The following ENDOV variants were observed in gnomAD, a reference collection of about 807,000 sequenced individuals.
ENDOV encodes endonuclease V.
A neutral mutation model predicts 39.4 loss-of-function variants in ENDOV; 37 were observed. The ratio of observed to expected loss-of-function variants is 0.94; its 90% CI spans 0.72 to 1.23. The LOEUF (loss-of-function observed/expected upper bound fraction) is 1.23, where lower values mean the gene tolerates loss of function less well. Among genes scored for constraint, ENDOV ranks in the 50% most tolerant of loss-of-function variants. ENDOV has a pLI of 0.00. For synonymous variants in ENDOV, 186 were observed against 163.4 expected (o/e 1.14, Z -1.05); for missense variants, 441 against 375.7 (o/e 1.17, Z -1.44).
Position 80,436,385 on chromosome 17 carries a change from C to G in ENDOV, c.*242C>G, listed in dbSNP as rs2083596927. On this transcript the variant is annotated 3_prime_UTR_variant, in exon 10 of 10. Transcript: ENST00000518137. ...AGGGAACGTTTGCAGTCTTTCACCA[C>G]TAGATGTGATGTGAGCTGTTAGATT... The G allele has an allele frequency of 6.9e-7, 1 of 1,441,778 alleles. No homozygotes were observed. The highest frequency in any genetic ancestry group is 1.4e-5 in the African/African-American group (1 of 71,322). 89.3% of individuals were successfully genotyped at this position (1,441,778 alleles called of 1,614,324 possible).
intron 5 of ENDOV, 52 bp from the exon 6 acceptor site, chr17:80,424,980 C>G (rs1390085039): frequency 2.0e-6 from 3 of 1,500,286 alleles, no homozygotes; most frequent in Non-Finnish European, 1.8e-6. Flanking sequence ...GCCTTCAGCC[C>G]TTCACCAAGA....
In ENDOV at chr17:80,422,231, T is replaced by C. The variant is rs184854277; in HGVS notation, c.389T>C (p.Val130Ala). The change falls in exon 4 of 10, where the codon GTA (valine) becomes GCA (alanine). Residue 130 changes from valine (V) to alanine (A), a missense_variant. Physicochemically the swap from Val to Ala is moderately conservative, Grantham distance 64 (BLOSUM62 0). Transcript: ENST00000518137. ...PQVLLVDGNG[V>A]LHHRGFGVAC... ...GTCCTTCTTGTGGATGGAAACGGGGTACTCCACCACCGAGGTAATCCTGCT... is the reference window on the plus strand; with the variant it reads ...GTCCTTCTTGTGGATGGAAACGGGGCACTCCACCACCGAGGTAATCCTGCT... The C allele has an allele frequency of 1.7e-3, 2,813 of 1,612,908 alleles. 3 individuals are homozygous for C. Among genetic ancestry groups the C allele is most frequent in the Non-Finnish European group, 2.2e-3 (2,549 of 1,179,594 alleles).
At chr17:80,427,511 C>G (rs903481812) in intron 7 of ENDOV, 1 of 985,502 alleles carries the variant, frequency 1.0e-6, no homozygotes, top group Non-Finnish European at 1.2e-6. Context: ...GCCCACCCTC[C>G]AGAGGAAGGA....
chr17:80,416,842 C>G (rs1202011263), intron 2 of ENDOV: 1 of 152,222 alleles, frequency 6.6e-6, no homozygotes, highest in South Asian at 2.1e-4. Context: ...GATCTGATCT[C>G]AACCTCCTGG....
intron 2 of ENDOV, chr17:80,419,940 C>T (rs549204407): frequency 9.5e-5 from 42 of 442,012 alleles, no homozygotes; most frequent in Admixed American, 1.9e-4. Context: ...CTGCCCCCTA[C>T]GCTAATCATA....
intron 7 of ENDOV, chr17:80,427,771 A>G (rs1433932031): frequency 7.8e-7 from 1 of 1,289,220 alleles, no homozygotes; most frequent in Non-Finnish European, 1.0e-6. Flanking sequence ...TGGTGGCCCC[A>G]TGGTCACAGG....
rs974577166 is a variant in ENDOV at position 80,429,821 on chromosome 17, A to ACG, written c.828_829insCG (p.Glu277ArgfsTer26). 6.2e-7 allele frequency: 1 copy of ACG among 1,612,688 alleles called. No individual in the cohort carries two copies. Among genetic ancestry groups the ACG allele is most frequent in the African/African-American group, 1.3e-5 (1 of 75,048 alleles). On this transcript the variant is annotated frameshift_variant, in exon 9 of 10. Transcript: ENST00000518137. LOFTEE classifies it high-confidence loss of function. ...TGGCATGCCCCAAAGGAGACTCCGG[A>ACG]GAGTCCTCAGGTGAGGGCCAGCCCC...
chr17:80,428,297 G>T (rs2082975326), intron 7 of ENDOV: 2 of 435,544 alleles, frequency 4.6e-6, no homozygotes, highest in Admixed American at 4.0e-5. Context: ...TGCCACTGGT[G>T]GGGAGGAGAC....
Position 80,415,559 on chromosome 17 carries a change from C to T in ENDOV, c.57-91C>T, listed in dbSNP as rs1599264506. ...TCCCTTGAAGCGGGAGAAGACCCGG[C>T]AGAGGCGCTCTGTCCGCTGCAGCCG... On this transcript the variant is annotated intron_variant, in intron 1 of 9. Coordinates refer to ENST00000518137, the MANE Select transcript of ENDOV (RefSeq NM_173627.5). 7 of 1,456,614 alleles carry T rather than the reference C, an allele frequency of 4.8e-6. No homozygotes were observed. The East Asian group carries it at 1.5e-4, about 31-fold the overall frequency. 90.2% of individuals were successfully genotyped at this position (1,456,614 alleles called of 1,614,324 possible).
At chr17:80,432,177 C>G (rs1190626616) in intron 9 of ENDOV, among the ~76,000 whole-genome samples, 1 of 152,162 alleles carries the variant, frequency 6.6e-6, no homozygotes, top group Non-Finnish European at 1.5e-5. Context: ...AACATGAACA[C>G]CTGCTTCAGA....
chr17:80,415,394 A>C, intron 1 of ENDOV, 144 bp downstream of exon 1: 1 of 1,112,656 alleles, frequency 9.0e-7, no homozygotes, highest in Non-Finnish European at 1.3e-6. Context: ...TCCGGCGCGG[A>C]AGCGGAGGGA....
intron 1 of ENDOV, 64 bp downstream of exon 1, chr17:80,415,314 C>T (rs2080934059): frequency 2.5e-6 from 4 of 1,573,410 alleles, no homozygotes; most frequent in African/African-American, 2.7e-5. Flanking sequence ...CGCGGACCCT[C>T]CGAGCTCATA....
In ENDOV at chr17:80,415,237, T is replaced by A; in HGVS notation, c.43T>A (p.Ser15Thr). 6.2e-7 allele frequency: 1 copy of A among 1,613,446 alleles called. No homozygotes were observed. The highest frequency in any genetic ancestry group is 8.5e-7 in the Non-Finnish European group (1 of 1,179,716). Residue 15 changes from serine to threonine, a missense_variant, in exon 1 of 10, where the codon TCA becomes ACA. Coordinates refer to ENST00000518137, the MANE Select transcript of ENDOV (RefSeq NM_173627.5). ...AAGGPPEETL[S>T]LWKREQARLK... is the part of the protein sequence containing the mutation. ...GGGAGGGCCGCCGGAGGAAACGCTG[T>A]CACTGTGGAAACGGTAATGCTGTCA...
chr17:80,415,226 A>G lies in ENDOV; in HGVS notation c.32A>G (p.Glu11Gly). ...CTGGAGGCGGCGGGAGGGCCGCCGG[A>G]GGAAACGCTGTCACTGTGGAAACGG... is the stretch of plus-strand genomic sequence containing the variant. MALEAAGGPP[E>G]ETLSLWKREQ... is the part of the protein sequence containing the mutation. Residue 11 changes from glutamate to glycine, a missense_variant, in exon 1 of 10, where the codon GAG (glutamate) becomes GGG (glycine). Glu to Gly is a moderately conservative substitution (Grantham distance 98). Coordinates refer to ENST00000518137, the MANE Select transcript of ENDOV (RefSeq NM_173627.5). 6.2e-7 allele frequency: 1 copy of G among 1,613,264 alleles called. No individual in the cohort carries two copies. The highest frequency in any genetic ancestry group is 8.5e-7 in the Non-Finnish European group (1 of 1,179,678).
intron 2 of ENDOV, chr17:80,419,832 G>C: frequency 3.3e-6 from 2 of 613,566 alleles, no homozygotes; most frequent in South Asian, 3.7e-5. Context: ...AGACCTAACT[G>C]TCACCCACGC....
intron 7 of ENDOV, 80 bp from the exon 8 acceptor site, chr17:80,428,516 G>C (rs539890289): frequency 7.3e-7 from 1 of 1,376,674 alleles, no homozygotes; most frequent in East Asian, 2.5e-5. Context: ...GGGGGATGGA[G>C]GCATTGCCAG....
intron 9 of ENDOV, chr17:80,430,195 C>T (rs1392983485): frequency 2.7e-6 from 4 of 1,477,908 alleles, no homozygotes; most frequent in Non-Finnish European, 3.6e-6. Flanking sequence ...GAGGACAGAT[C>T]TCTATGGGGG....
intron 9 of ENDOV, among the ~76,000 whole-genome samples, chr17:80,434,576 C>T (rs918870719): frequency 6.6e-6 from 1 of 152,176 alleles, no homozygotes; most frequent in Non-Finnish European, 1.5e-5. Flanking sequence ...CCCAAGGGTT[C>T]CAGGTTCTGC....
At chr17:80,429,943 A>G in intron 9 of ENDOV, 112 bp downstream of exon 9, 1 of 1,587,486 alleles carries the variant, frequency 6.3e-7, no homozygotes, top group Non-Finnish European at 8.6e-7. Context: ...GGGCACCATG[A>G]AGACAAGAAG....
Sources: gnomAD v4.1 joint callset for allele counts (sites outside exome capture counted in the v4.1 genomes callset) on GRCh38, gnomAD v4.1.1 for gene constraint, MANE v1.5 for transcripts, NCBI Gene and HGNC (gene_info 2026-07-23, HGNC 2026-07-21) for gene names.